MIS18BP1: variants seen among roughly 807,000 people sequenced by gnomAD.
MIS18BP1 encodes the protein MIS18 binding protein 1.
A neutral mutation model predicts 116.1 loss-of-function variants in MIS18BP1; 72 were observed. The observed-to-expected ratio is 0.62, with a 90% CI of 0.51 to 0.75. The LOEUF (loss-of-function observed/expected upper bound fraction) is 0.75. Ranked by LOEUF, MIS18BP1 falls within the 30% of genes least tolerant of loss-of-function variation. The pLI is 0.00. For synonymous variants in MIS18BP1, 386 were observed against 427.0 expected (o/e 0.90, Z 1.18); for missense variants, 1,363 against 1,303.2 (o/e 1.05, Z -0.71).
chr14:45,235,807 C>A lies in MIS18BP1; in HGVS notation c.1348+7G>T. ...AAAATAACTTATCAATAATGACAGT[C>A]ATTTACCTGCTTCTTTCATGGAAAT... On this transcript the variant is annotated splice_region_variant and intron_variant, in intron 6 of 16. Transcript: ENST00000310806. 6.3e-7 allele frequency: 1 copy of A among 1,594,220 alleles called. No individual in the cohort carries two copies. The highest frequency in any genetic ancestry group is 1.1e-5 in the South Asian group (1 of 87,576).
At chr14:45,221,309 C>T (rs1320331060) in intron 11 of MIS18BP1, among the ~76,000 whole-genome samples, 7 of 151,816 alleles carry the variant, frequency 4.6e-5, no homozygotes, top group African/African-American at 9.7e-5. Context: ...TGGTCGCGGG[C>T]GCCTGTAGTC....
chr14:45,242,885 A>T lies in MIS18BP1; in HGVS notation c.545-11T>A. ...CTCCTTGGACTGAGGCTAAGGTTTTATTTTTTAAAGAAAGAAGAAGTTGAA... is the reference window on the plus strand; with the variant it reads ...CTCCTTGGACTGAGGCTAAGGTTTTTTTTTTTAAAGAAAGAAGAAGTTGAA... On this transcript the variant is annotated splice_polypyrimidine_tract_variant and intron_variant, in intron 2 of 16. Coordinates refer to ENST00000310806, the MANE Select transcript of MIS18BP1 (RefSeq NM_018353.5). The T allele has an allele frequency of 2.0e-6, 3 of 1,538,098 alleles. No homozygotes were observed. Among genetic ancestry groups the T allele is most frequent in the Non-Finnish European group, 2.6e-6 (3 of 1,135,246 alleles).
intron 13 of MIS18BP1, among the ~76,000 whole-genome samples, chr14:45,212,833 G>A (rs1358580749): frequency 5.9e-5 from 9 of 152,140 alleles, no homozygotes; most frequent in Non-Finnish European, 1.3e-4. Context: ...GTTAGAATCC[G>A]GGGAGAAGGA....
At chr14:45,230,254 T>C (rs1891239068) in intron 8 of MIS18BP1, among the ~76,000 whole-genome samples, 1 of 152,230 alleles carries the variant, frequency 6.6e-6, no homozygotes, top group African/African-American at 2.4e-5. Flanking sequence ...TGTTCATACA[T>C]TTTTATACAA....
chr14:45,203,986 T>G lies in MIS18BP1; in HGVS notation c.*123A>C. 7.1e-7 allele frequency: 1 copy of G among 1,398,646 alleles called. No homozygotes were observed. Among genetic ancestry groups the G allele is most frequent in the Non-Finnish European group, 9.5e-7 (1 of 1,052,270 alleles). The allele number at this position is 1,398,646 out of a possible 1,614,324, so 86.6% of individuals were successfully genotyped here. ...ACTTTGAACACAAACATATGAAACC[T>G]TCAAAAAAGTCCACATTTTCATAGG... On this transcript the variant is annotated 3_prime_UTR_variant, in exon 17 of 17. Coordinates refer to ENST00000310806, the MANE Select transcript of MIS18BP1 (RefSeq NM_018353.5).
chr14:45,242,516 G>A lies in MIS18BP1; in HGVS notation c.661C>T (p.Leu221Phe), dbSNP rs1358403800. ...TCCTGTTCTTGGTTCAGAGTTGGAA[G>A]TTCTGCAAAAAATACAAAACAAAAC... ...KAPLHNLTYE[L>F]PTLNQEQENF... is the part of the protein sequence containing the mutation. The change falls in exon 4 of 17, where the codon CTT becomes TTT. Residue 221 changes from leucine (L) to phenylalanine (F), a missense_variant and splice_region_variant. By Grantham distance (22) the Leu-to-Phe change is conservative. Transcript: ENST00000310806. 1.9e-6 allele frequency: 3 copies of A among 1,571,444 alleles called. No homozygotes were observed. Among genetic ancestry groups the A allele is most frequent in the Non-Finnish European group, 2.6e-6 (3 of 1,166,468 alleles).
chr14:45,215,912 G>A (rs1890805201), intron 13 of MIS18BP1, among the ~76,000 whole-genome samples: 2 of 151,770 alleles, frequency 1.3e-5, no homozygotes, highest in South Asian at 4.2e-4. Flanking sequence ...CACCGTGTTG[G>A]CCAGGATGGT....
At chr14:45,217,223 T>C (rs748644288) in intron 12 of MIS18BP1, 44 bp from the exon 13 acceptor site, 1 of 1,588,428 alleles carries the variant, frequency 6.3e-7, no homozygotes, top group South Asian at 1.1e-5. Flanking sequence ...TGGTTATTTA[T>C]AGTAACTGCT....
chr14:45,224,741 T>C lies in MIS18BP1; in HGVS notation c.1846A>G (p.Thr616Ala), dbSNP rs1409834491. ...RIIKSQKQET[T>A]EELDVSIDIL... is the part of the protein sequence containing the mutation. ...TCAATGGATACATCCAATTCTTCAG[T>C]TGTCTCTTTAATTTCATAAGACAAA... Residue 616 changes from threonine (T) to alanine (A), a missense_variant, in exon 11 of 17, where the codon ACT becomes GCT. Physicochemically the swap from Thr to Ala is moderately conservative, Grantham distance 58. Coordinates refer to ENST00000310806, the MANE Select transcript of MIS18BP1 (RefSeq NM_018353.5). 1.9e-6 allele frequency: 3 copies of C among 1,559,628 alleles called. No homozygotes were observed. Among genetic ancestry groups the C allele is most frequent in the Non-Finnish European group, 2.6e-6 (3 of 1,159,836 alleles).
chr14:45,232,959 C>T (rs778122941), intron 6 of MIS18BP1, 139 bp from the exon 7 acceptor site: 30 of 558,798 alleles, frequency 5.4e-5, no homozygotes, highest in African/African-American at 9.7e-5. Context: ...ATTCAGAATT[C>T]GGCAGTAAAC....
At chr14:45,234,787 T>C (rs1013934641) in intron 6 of MIS18BP1, among the ~76,000 whole-genome samples, 3 of 152,260 alleles carry the variant, frequency 2.0e-5, no homozygotes, top group Non-Finnish European at 4.4e-5. Flanking sequence ...GTGCAAGGCA[T>C]AGGTGGAAAA....
chr14:45,215,225 C>CA (rs1043307771), intron 13 of MIS18BP1, among the ~76,000 whole-genome samples: 1 of 151,782 alleles, frequency 6.6e-6, no homozygotes, highest in African/African-American at 2.4e-5. Flanking sequence ...TCAGTGTAAG[C>CA]AAAAAGGGGG....
intron 10 of MIS18BP1, among the ~76,000 whole-genome samples, chr14:45,225,050 A>G (rs776737034): frequency 2.6e-4 from 40 of 152,146 alleles, no homozygotes; most frequent in Non-Finnish European, 5.3e-4. Flanking sequence ...ACTGTTGTCA[A>G]AATCTCAACT....
chr14:45,232,839 C>A lies in MIS18BP1; in HGVS notation c.1349-19G>T, dbSNP rs1313976482. On this transcript the variant is annotated intron_variant, in intron 6 of 16. Coordinates refer to ENST00000310806, the MANE Select transcript of MIS18BP1 (RefSeq NM_018353.5). The stretch of plus-strand genomic sequence containing the variant: ...GGATATCCTATTTAAGGATAAACAA[C>A]AACAAAAAGTATTTAAAAGCCTAGA... 4 of 1,150,954 alleles carry A rather than the reference C, an allele frequency of 3.5e-6. No individual in the cohort carries two copies. In the South Asian group the frequency reaches 5.6e-5, roughly 16 times the overall value. The allele number at this position is 1,150,954 out of a possible 1,614,324, so 71.3% of individuals were successfully genotyped here.
chr14:45,219,391 A>T (rs1231489391), intron 11 of MIS18BP1, among the ~76,000 whole-genome samples: 2 of 152,214 alleles, frequency 1.3e-5, no homozygotes, highest in African/African-American at 4.8e-5. Context: ...GTTGATGTCA[A>T]GCTACCAACA....
At position 45,242,078 on chromosome 14, in the gene MIS18BP1, G is replaced by C; in HGVS notation, c.1099C>G (p.Pro367Ala). ...TTTGTAACAGTTTGAAATATTCTTG[G>C]AGGAGAAAGCTTTGAAATATTTCTT... ...SKRNISKLSP[P>A]RIFQTVTNGL... The change falls in exon 4 of 17, where the codon CCA becomes GCA. Residue 367 changes from proline (P) to alanine (A), a missense_variant. Pro to Ala is a conservative substitution (Grantham distance 27, BLOSUM62 -1). Transcript: ENST00000310806. 1 of 1,612,958 alleles carries C rather than the reference G, an allele frequency of 6.2e-7. No individual in the cohort carries two copies. The highest frequency in any genetic ancestry group is 8.5e-7 in the Non-Finnish European group (1 of 1,179,590).
chr14:45,237,730 G>A lies in MIS18BP1; in HGVS notation c.1144-9C>T, dbSNP rs746626749. The A allele has an allele frequency of 5.0e-6, 8 of 1,587,640 alleles. No individual in the cohort carries two copies. The highest frequency in any genetic ancestry group is 6.8e-6 in the Non-Finnish European group (8 of 1,170,880). On this transcript the variant is annotated splice_polypyrimidine_tract_variant and intron_variant, in intron 4 of 16. Transcript: ENST00000310806. ...TCCTGTAGCTGAACTACCTAATCAA[G>A]TATAAAACAAAGAACATATTTCCTG...
chr14:45,212,125 G>C (rs923542188), intron 13 of MIS18BP1, among the ~76,000 whole-genome samples: 3 of 152,150 alleles, frequency 2.0e-5, no homozygotes, highest in African/African-American at 4.8e-5. Flanking sequence ...GTTTGAAACT[G>C]AGGCAAGGAG....
chr14:45,236,015 C>A lies in MIS18BP1; in HGVS notation c.1218-71G>T, dbSNP rs543731914. 2.1e-4 allele frequency: 285 copies of A among 1,350,408 alleles called. 3 individuals carry two copies. In the South Asian group the frequency reaches 3.6e-3, roughly 17 times the overall value. The allele number at this position is 1,350,408 out of a possible 1,614,324, so 83.7% of individuals were successfully genotyped here. ...AAATTTCTAACAGAAAATAATTTTA[C>A]ACTTTAGCTACAGCAACACTAAGAA... On this transcript the variant is annotated intron_variant, in intron 5 of 16. Transcript: ENST00000310806.
Sources: allele counts gnomAD v4.1 joint callset (sites outside exome capture counted in the v4.1 genomes callset), GRCh38; gene constraint gnomAD v4.1.1; transcripts MANE v1.5; gene names NCBI Gene and HGNC (gene_info 2026-07-23, HGNC 2026-07-21).